The following POLR3F variants were observed in gnomAD, a reference collection of about 807,000 sequenced individuals.
POLR3F encodes the protein DNA-directed RNA polymerase III subunit RPC6.
A neutral mutation model predicts 43.6 loss-of-function variants in POLR3F; 31 were observed. That is an observed-to-expected ratio of 0.71 (90% CI 0.53 to 0.96). POLR3F has a LOEUF of 0.96. Ranked by LOEUF, POLR3F falls within the 40% of genes least tolerant of loss-of-function variation. The probability of loss-of-function intolerance (pLI) is 0.00; values close to 1 mark genes in which losing one functional copy is unlikely to be tolerated. For synonymous variants in POLR3F, 114 were observed against 132.5 expected, an observed-to-expected ratio of 0.86 and a Z score of 0.96; for missense variants, 316 against 391.7, an observed-to-expected ratio of 0.81 and a Z score of 1.63.
At chr20:18,481,514 C>T in intron 7 of POLR3F, 105 bp from the exon 8 acceptor site, 1 of 760,054 alleles carries the variant, frequency 1.3e-6, no homozygotes, top group South Asian at 1.6e-5. Context: ...GCTGGGATTA[C>T]AGGCGTGAGC....
chr20:18,471,264 G>A (rs900042062), intron 2 of POLR3F, among the ~76,000 whole-genome samples: 2 of 152,202 alleles, frequency 1.3e-5, no homozygotes, highest in Non-Finnish European at 2.9e-5. Context: ...CAGGACTCAT[G>A]TTGTTCCCCT....
rs1371849175 is a variant in POLR3F, at chr20:18,483,917, TTTAAAG to T, written c.*363_*368del. On this transcript the variant is annotated 3_prime_UTR_variant, in exon 9 of 9. Transcript: ENST00000377603. The stretch of plus-strand genomic sequence containing the variant: ...ATGGCTAGAGTATAAAAATGTTCTT[TTTAAAG>T]TTATTTATTAAGTTCTTCATTGGAA... 1 of 395,598 alleles carries T rather than the reference TTTAAAG, an allele frequency of 2.5e-6. No individual in the cohort carries two copies. The highest frequency in any genetic ancestry group is 4.4e-6 in the Non-Finnish European group (1 of 224,858). The allele number at this position is 395,598 out of a possible 1,614,324, so 24.5% of individuals were successfully genotyped here.
chr20:18,467,737 C>A, intron 1 of POLR3F, 169 bp downstream of exon 1: 1 of 1,377,976 alleles, frequency 7.3e-7, no homozygotes, highest in African/African-American at 1.5e-5. Context: ...CCTGGGAGAG[C>A]AGAACTCAAG....
chr20:18,474,963 C>G, intron 4 of POLR3F, 112 bp from the exon 5 acceptor site: 1 of 554,968 alleles, frequency 1.8e-6, no homozygotes, highest in Non-Finnish European at 3.3e-6. Context: ...AGCCAGCATT[C>G]TTTACTGTTA....
chr20:18,468,249 T>A (rs570802296), intron 1 of POLR3F, among the ~76,000 whole-genome samples: 4 of 152,182 alleles, frequency 2.6e-5, no homozygotes, highest in African/African-American at 9.6e-5. Flanking sequence ...GCTAATTTTT[T>A]ATGTTTTAGT....
chr20:18,471,499 C>G (rs539477310), intron 2 of POLR3F, among the ~76,000 whole-genome samples: 10 of 152,262 alleles, frequency 6.6e-5, no homozygotes, highest in African/African-American at 2.4e-4. Flanking sequence ...TGTTGTTCCC[C>G]CAAACACCTA....
intron 5 of POLR3F, among the ~76,000 whole-genome samples, chr20:18,479,146 CA>C (rs539213732): frequency 4.5e-4 from 60 of 133,852 alleles, no homozygotes; most frequent in African/African-American, 8.0e-4. Context: ...AACTCCGTTT[CA>C]AAAAAAAAAA....
intron 4 of POLR3F, 149 bp downstream of exon 4, chr20:18,473,607 A>T: frequency 2.3e-6 from 1 of 443,682 alleles, no homozygotes; most frequent in East Asian, 3.4e-5. Context: ...CATGTGCTTG[A>T]AGGACACCCA....
At position 18,477,681 on chromosome 20, in the gene POLR3F, C is replaced by T. The variant is rs146646887; in HGVS notation, c.430-2357C>T. ...TATTGCTAAGTAAAAGAAGCCAGTC[C>T]GAAAAGGCTACATACTGTATGATTA... is the stretch of plus-strand genomic sequence containing the variant. On this transcript the variant is annotated intron_variant, in intron 5 of 8. Coordinates refer to ENST00000377603, the MANE Select transcript of POLR3F (RefSeq NM_006466.4). 3.2e-3 allele frequency among the ~76,000 whole-genome samples: 481 copies of T among 152,034 alleles called. 3 individuals carry two copies. The highest frequency in any genetic ancestry group is 0.011 in the African/African-American group (447 of 41,446).
chr20:18,472,511 T>C (rs539343439), intron 2 of POLR3F, among the ~76,000 whole-genome samples: 2 of 152,226 alleles, frequency 1.3e-5, no homozygotes, highest in South Asian at 4.1e-4. Context: ...TATTTTTCAC[T>C]GTGCAACAGA....
intron 2 of POLR3F, among the ~76,000 whole-genome samples, chr20:18,471,794 C>A (rs1289681572): frequency 6.6e-6 from 1 of 152,216 alleles, no homozygotes; most frequent in Non-Finnish European, 1.5e-5. Context: ...ATCAGCCTGG[C>A]CAACATGGCC....
chr20:18,467,934 T>C (rs1568574157), intron 1 of POLR3F, among the ~76,000 whole-genome samples: 1 of 152,224 alleles, frequency 6.6e-6, no homozygotes, highest in Non-Finnish European at 1.5e-5. Flanking sequence ...GGATCGCTCT[T>C]GTCACTAAGG....
intron 5 of POLR3F, among the ~76,000 whole-genome samples, chr20:18,475,630 G>T (rs2059775995): frequency 6.6e-6 from 1 of 152,054 alleles, no homozygotes; most frequent in Non-Finnish European, 1.5e-5. Flanking sequence ...TCCTCATCCT[G>T]CCCCACCCCT....
chr20:18,481,589 T>C, intron 7 of POLR3F, 30 bp from the exon 8 acceptor site: 1 of 1,457,604 alleles, frequency 6.9e-7, no homozygotes, highest in Non-Finnish European at 9.6e-7. Context: ...CTATCCTACT[T>C]GTGTCCTTTC....
intron 5 of POLR3F, among the ~76,000 whole-genome samples, chr20:18,476,437 G>A (rs6111981): frequency 0.033 from 5,086 of 152,184 alleles, 260 homozygotes; most frequent in African/African-American, 0.11. Flanking sequence ...CCTTCTTATT[G>A]CCAATTAAAA....
intron 5 of POLR3F, among the ~76,000 whole-genome samples, chr20:18,479,029 C>G (rs1256030912): frequency 6.6e-6 from 1 of 151,946 alleles, no homozygotes; most frequent in Non-Finnish European, 1.5e-5. Context: ...CCTGTAATCC[C>G]AGCTACTCGG....
At chr20:18,480,811 G>A (rs1255376688) in intron 7 of POLR3F, among the ~76,000 whole-genome samples, 1 of 151,646 alleles carries the variant, frequency 6.6e-6, no homozygotes, top group African/African-American at 2.4e-5. Flanking sequence ...ATCCTCCTGC[G>A]TTGGCCTCCC....
Position 18,467,483 on chromosome 20 carries a change from C to G in POLR3F, c.-24C>G, listed in dbSNP as rs558597200. The G allele has an allele frequency of 1.1e-5, 18 of 1,613,900 alleles. No homozygotes were observed. The East Asian group carries it at 1.8e-4, about 16-fold the overall frequency. On this transcript the variant is annotated 5_prime_UTR_variant, in exon 1 of 9. Coordinates refer to ENST00000377603, the MANE Select transcript of POLR3F (RefSeq NM_006466.4). Reference sequence around the variant, plus strand: ...CGGGCTGCTCCGTGCATCTTTCCCCCCAGGCGTCAGGAACTGCGCCCTCAT... The same window carrying G: ...CGGGCTGCTCCGTGCATCTTTCCCCGCAGGCGTCAGGAACTGCGCCCTCAT...
rs1455207382 is a variant in POLR3F, at chr20:18,476,108, AATTC to A, written c.429+927_429+930del. ...ATATAATTCATCATTCATACTACAGAATTCATTCAACCTTTTAAAGTGTAAAATC... is the reference window on the plus strand; with the variant it reads ...ATATAATTCATCATTCATACTACAGAATTCAACCTTTTAAAGTGTAAAATC... On this transcript the variant is annotated intron_variant, in intron 5 of 8. Transcript: ENST00000377603. Among the ~76,000 whole-genome samples, 6 of 152,294 alleles carry A rather than the reference AATTC, an allele frequency of 3.9e-5. No homozygotes were observed. The South Asian group carries it at 8.3e-4, about 21-fold the overall frequency.
Sources: allele counts gnomAD v4.1 joint callset (sites outside exome capture counted in the v4.1 genomes callset), GRCh38; gene constraint gnomAD v4.1.1; transcripts MANE v1.5; gene names NCBI Gene and HGNC (gene_info 2026-07-23, HGNC 2026-07-21).